Variants in NKD1 observed in about 807,000 individuals in gnomAD.
The protein encoded by NKD1 is NKD inhibitor of Wnt signaling pathway 1, also known as protein naked cuticle homolog 1.
A neutral mutation model predicts 56.0 loss-of-function variants in NKD1; 21 were observed. The observed-to-expected ratio is 0.38, with a 90% confidence interval of 0.27 to 0.54. The LOEUF is 0.54. NKD1 is among the 20% of genes least tolerant of loss of function. The pLI, the probability that NKD1 is intolerant of heterozygous loss-of-function variation, is 0.82. For synonymous variants in NKD1, 263 were observed against 265.7 expected (o/e 0.99, Z 0.10); for missense variants, 578 against 642.7 (o/e 0.90, Z 1.09).
chr16:50,598,628 G>A lies in NKD1; in HGVS notation c.193-9666G>A, dbSNP rs1961528492. On this transcript the variant is annotated intron_variant, in intron 3 of 9. Coordinates refer to ENST00000268459, the MANE Select transcript of NKD1 (RefSeq NM_033119.5). This position sits in a 1 kb window ranked among gnomAD's most constrained non-coding sequence, Gnocchi z 4.2. ...GGGGCCTGTCCCAGGGCCAGGAACT[G>A]CTGGCAGATGCCGCCCCAGCTGCTT... Among the ~76,000 whole-genome samples, 1 of 152,216 alleles carries A rather than the reference G, an allele frequency of 6.6e-6. No individual in the cohort carries two copies. The highest frequency in any genetic ancestry group is 2.4e-5 in the African/African-American group (1 of 41,452).
rs978430221 is a variant in NKD1, at chr16:50,647,129, T to C, written c.*13348T>C. On this transcript the variant is annotated 3_prime_UTR_variant, in exon 10 of 10. Coordinates refer to ENST00000268459, the MANE Select transcript of NKD1 (RefSeq NM_033119.5). ...AGTGGTAGAGTCATACTAGAAGACA[T>C]GATGGGATGGTGGTGTGGTCTCTGT... 1 of 152,186 alleles carries C rather than the reference T, an allele frequency of 6.6e-6. No individual in the cohort carries two copies. Among genetic ancestry groups the C allele is most frequent in the Non-Finnish European group, 1.5e-5 (1 of 68,040 alleles). 9.4% of individuals were successfully genotyped at this position (152,186 alleles called of 1,614,324 possible).
At chr16:50,603,275 C>T (rs188804121) in intron 3 of NKD1, among the ~76,000 whole-genome samples, 13 of 152,304 alleles carry the variant, frequency 8.5e-5, no homozygotes, top group East Asian at 1.9e-4. Flanking sequence ...TCGATCTGGA[C>T]GCTGAGGAGT....
rs117330676 is a variant in NKD1, at chr16:50,581,522, G to A, written c.193-26772G>A. ...CATTCCTGCCTGTACCTGCTATTATGTCAGAGGCATCGAGGGCTTCCCAAA... is the reference window on the plus strand; with the variant it reads ...CATTCCTGCCTGTACCTGCTATTATATCAGAGGCATCGAGGGCTTCCCAAA... On this transcript the variant is annotated intron_variant, in intron 3 of 9. Transcript: ENST00000268459. Among the ~76,000 whole-genome samples the A allele has an allele frequency of 1.1e-3, 175 of 152,370 alleles. 1 individual carries two copies. Among genetic ancestry groups the A allele is most frequent in the Non-Finnish European group, 2.2e-3 (147 of 68,040 alleles).
rs191418058 is a variant in NKD1, at chr16:50,600,243, A to C, written c.193-8051A>C. ...ATTGTCCTTAAAAAAACAAAACAAA[A>C]CAAACAAACAAACAAACAACAAAAA... On this transcript the variant is annotated intron_variant, in intron 3 of 9. Transcript: ENST00000268459. 4.1e-4 allele frequency among the ~76,000 whole-genome samples: 59 copies of C among 142,800 alleles called. No individual in the cohort carries two copies. The East Asian group carries it at 0.011, about 26-fold the overall frequency. 93.7% of individuals were successfully genotyped at this position (142,800 alleles called of 152,430 possible). A position where few individuals can be genotyped will look rare whatever the true frequency, so the allele number is the denominator to read the frequency against.
Position 50,634,046 on chromosome 16 carries a change from G to C in NKD1, c.*265G>C, listed in dbSNP as rs1478705468. The C allele has an allele frequency of 1.5e-5, 5 of 334,080 alleles. No individual in the cohort carries two copies. The highest frequency in any genetic ancestry group is 2.1e-5 in the Non-Finnish European group (4 of 186,600). 20.7% of individuals were successfully genotyped at this position (334,080 alleles called of 1,614,324 possible). On this transcript the variant is annotated 3_prime_UTR_variant, in exon 10 of 10. Coordinates refer to ENST00000268459, the MANE Select transcript of NKD1 (RefSeq NM_033119.5). ...CCTGTAATGGGCAGAGGCTCCCTCGGGGCTCGGGATCTGCAGCATCTATGT... is the reference window on the plus strand; with the variant it reads ...CCTGTAATGGGCAGAGGCTCCCTCGCGGCTCGGGATCTGCAGCATCTATGT...
Position 50,548,714 on chromosome 16 carries a change from C to T in NKD1, c.26-3C>T. The stretch of plus-strand genomic sequence containing the variant: ...CCGCCGCCGCCTCGCGATGTGCCTG[C>T]AGCCGCCGTGTGCAAGCGCAGGGAG... On this transcript the variant is annotated splice_polypyrimidine_tract_variant and splice_region_variant and intron_variant, in intron 1 of 9. Transcript: ENST00000268459. The T allele has an allele frequency of 6.9e-7, 1 of 1,458,184 alleles. No homozygotes were observed. The allele number at this position is 1,458,184 out of a possible 1,614,324, so 90.3% of individuals were successfully genotyped here.
chr16:50,585,890 G>A (rs1961218674), intron 3 of NKD1, among the ~76,000 whole-genome samples: 1 of 152,116 alleles, frequency 6.6e-6, no homozygotes, highest in Non-Finnish European at 1.5e-5. Flanking sequence ...CCTGTTTAAC[G>A]GACATACTCA....
intron 4 of NKD1, among the ~76,000 whole-genome samples, chr16:50,621,329 G>A (rs111980349): frequency 2.0e-3 from 298 of 152,352 alleles, no homozygotes; most frequent in African/African-American, 6.6e-3. Context: ...GGGTGGCTGT[G>A]TGCCTCCATA....
chr16:50,630,946 C>T (rs754686703), intron 8 of NKD1, 36 bp downstream of exon 8: 2 of 1,509,436 alleles, frequency 1.3e-6, no homozygotes, highest in South Asian at 2.4e-5. Context: ...ATATGTTGAG[C>T]ACCAGCTGTG....
chr16:50,579,447 C>T (rs1200389294), intron 3 of NKD1, among the ~76,000 whole-genome samples: 89 of 138,246 alleles, frequency 6.4e-4, no homozygotes, highest in African/African-American at 2.0e-3. Flanking sequence ...CACTCTAACC[C>T]GCCACGCATG....
chr16:50,556,818 C>G (rs1299538593), intron 3 of NKD1: 2 of 151,374 alleles, frequency 1.3e-5, no homozygotes, highest in African/African-American at 4.9e-5. Context: ...AAATGATCCT[C>G]CTGCCTTGGC....
rs535223092 is a variant in NKD1, at chr16:50,589,642, G to A, written c.193-18652G>A. Among the ~76,000 whole-genome samples, 33 of 152,246 alleles carry A rather than the reference G, an allele frequency of 2.2e-4. No homozygotes were observed. The South Asian group carries it at 5.4e-3, about 25-fold the overall frequency. Reference sequence around the variant, plus strand: ...GGGTAGTTCACGCTCCCCTATAAAGGCAGCGGGCAAATGGATCATGTTGGA... The same window carrying A: ...GGGTAGTTCACGCTCCCCTATAAAGACAGCGGGCAAATGGATCATGTTGGA... On this transcript the variant is annotated intron_variant, in intron 3 of 9. Coordinates refer to ENST00000268459, the MANE Select transcript of NKD1 (RefSeq NM_033119.5).
At chr16:50,578,262 T>A (rs1961031868) in intron 3 of NKD1, among the ~76,000 whole-genome samples, 2 of 152,170 alleles carry the variant, frequency 1.3e-5, no homozygotes, top group Admixed American at 1.3e-4. Flanking sequence ...CCACTTCTGC[T>A]CATGTTCGAT....
rs1464213130 is a variant in NKD1 at position 50,648,752 on chromosome 16, TG to T, written c.*14974del. Reference sequence around the variant, plus strand: ...ACAGTAAGTGTCATGTAGCAGCTCCTGGGAATCTCCTTTAAAAAGAGAGCTT... The same window carrying T: ...ACAGTAAGTGTCATGTAGCAGCTCCTGGAATCTCCTTTAAAAAGAGAGCTT... On this transcript the variant is annotated 3_prime_UTR_variant, in exon 10 of 10. Coordinates refer to ENST00000268459, the MANE Select transcript of NKD1 (RefSeq NM_033119.5). 1 of 152,244 alleles carries T rather than the reference TG, an allele frequency of 6.6e-6. No homozygotes were observed. Among genetic ancestry groups the T allele is most frequent in the Non-Finnish European group, 1.5e-5 (1 of 68,042 alleles). The allele number at this position is 152,244 out of a possible 1,614,324, so 9.4% of individuals were successfully genotyped here.
intron 3 of NKD1, among the ~76,000 whole-genome samples, chr16:50,561,877 G>A (rs146886253): frequency 6.6e-6 from 1 of 152,324 alleles, no homozygotes; most frequent in Non-Finnish European, 1.5e-5. Context: ...CTCTTGCAGA[G>A]AGAGTGGAGT....
chr16:50,619,550 C>G (rs1424205183), intron 4 of NKD1, among the ~76,000 whole-genome samples: 2 of 152,166 alleles, frequency 1.3e-5, no homozygotes, highest in East Asian at 3.9e-4. Context: ...TGTCCATTTG[C>G]ATTCGTGAAG....
chr16:50,606,467 T>C (rs1338839370), intron 3 of NKD1: 1 of 317,690 alleles, frequency 3.1e-6, no homozygotes, highest in Admixed American at 4.0e-5. Flanking sequence ...GAGAGGCCTA[T>C]GCCAGAACTT....
chr16:50,633,205 G>A lies in NKD1; in HGVS notation c.837G>A (p.Val279=). The change falls in exon 10 of 10, where the codon GTG becomes GTA. Residue 279 remains valine (V), a synonymous_variant. Transcript: ENST00000268459. The surrounding 1 kb of genome is among the most constrained non-coding windows in gnomAD (Gnocchi z 4.9). The part of the protein sequence containing the change: ...TSQFGPGSPS[V]AQKSELPPRT... ...ATTGGTTCCTAGGCTCCCCTTCCGTGGCCCAGAAGTCAGAACTGCCCCCCC... is the reference window on the plus strand; with the variant it reads ...ATTGGTTCCTAGGCTCCCCTTCCGTAGCCCAGAAGTCAGAACTGCCCCCCC... 6.2e-7 allele frequency: 1 copy of A among 1,605,290 alleles called. No homozygotes were observed. The highest frequency in any genetic ancestry group is 8.5e-7 in the Non-Finnish European group (1 of 1,174,076).
intron 3 of NKD1, among the ~76,000 whole-genome samples, chr16:50,602,147 C>T (rs1961610056): frequency 6.6e-6 from 1 of 152,056 alleles, no homozygotes; most frequent in African/African-American, 2.4e-5. Flanking sequence ...GCCCTGGGGG[C>T]CTGGGAATGA....
Sources: gnomAD v4.1 joint callset for allele counts (sites outside exome capture counted in the v4.1 genomes callset) on GRCh38, gnomAD v4.1.1 for gene constraint, Gnocchi (gnomAD v3.1) non-coding constraint, MANE v1.5 for transcripts, NCBI Gene and HGNC (gene_info 2026-07-23, HGNC 2026-07-21) for gene names.